The following ERI3 variants were observed in gnomAD, a reference collection of about 807,000 sequenced individuals.
ERI3 encodes ERI1 exoribonuclease 3.
Under a neutral mutation model 44.4 loss-of-function variants are expected in ERI3, and 18 were observed. That is an observed-to-expected ratio of 0.41 (90% CI 0.28 to 0.60). The LOEUF (loss-of-function observed/expected upper bound fraction) is 0.60, where lower values mean the gene tolerates loss of function less well. Among genes scored for constraint, ERI3 ranks in the 20% least tolerant of loss-of-function variants. The pLI, the probability that ERI3 is intolerant of heterozygous loss-of-function variation, is 0.36. For synonymous variants in ERI3, 183 were observed against 164.8 expected, an observed-to-expected ratio of 1.11 and a Z score of -0.84; for missense variants, 294 against 435.5, an observed-to-expected ratio of 0.68 and a Z score of 2.89.
At chr1:44,268,279 G>A (rs539070526) in intron 7 of ERI3, among the ~76,000 whole-genome samples, 1 of 152,088 alleles carries the variant, frequency 6.6e-6, no homozygotes, top group Non-Finnish European at 1.5e-5. Context: ...AGGGTGACTG[G>A]TGGCTGGAGG....
intron 7 of ERI3, among the ~76,000 whole-genome samples, chr1:44,275,813 ATCC>A (rs761129347): frequency 1.1e-4 from 17 of 152,170 alleles, no homozygotes; most frequent in Non-Finnish European, 2.2e-4. Context: ...CTGACTCAGA[ATCC>A]TCCTAAGGCT....
At chr1:44,302,434 T>C (rs1645746139) in intron 6 of ERI3, among the ~76,000 whole-genome samples, 1 of 152,188 alleles carries the variant, frequency 6.6e-6, no homozygotes, top group African/African-American at 2.4e-5. Context: ...TCAGTGCTGG[T>C]ACCAACTGGT....
rs1644285138 is a variant in ERI3, at chr1:44,235,556, C to CT, written c.931+12382dup. On this transcript the variant is annotated intron_variant, in intron 8 of 8. Coordinates refer to ENST00000372257, the MANE Select transcript of ERI3 (RefSeq NM_024066.3). The surrounding 1 kb of genome is among the most constrained non-coding windows in gnomAD (Gnocchi z 4.6). ...CATACTGAAAAGAAGGAAGGAAGGA[C>CT]TAGAGGAAAAGAAAGAGGGGCAAGA... Among the ~76,000 whole-genome samples, 1 of 152,126 alleles carries CT rather than the reference C, an allele frequency of 6.6e-6. No homozygotes were observed. Among genetic ancestry groups the CT allele is most frequent in the Non-Finnish European group, 1.5e-5 (1 of 68,048 alleles).
chr1:44,274,287 G>C (rs998934282), intron 7 of ERI3, among the ~76,000 whole-genome samples: 1 of 152,172 alleles, frequency 6.6e-6, no homozygotes, highest in Non-Finnish European at 1.5e-5. Context: ...TTGGCTTCAG[G>C]AGCGGCGCGC....
At chr1:44,323,020 T>G in intron 3 of ERI3, 1 of 1,107,620 alleles carries the variant, frequency 9.0e-7, no homozygotes, top group Admixed American at 3.8e-5. Flanking sequence ...TTCCTGACCC[T>G]GACCTTTTCT....
At chr1:44,231,669 C>G (rs531188047) in intron 8 of ERI3, among the ~76,000 whole-genome samples, 146 of 152,180 alleles carry the variant, frequency 9.6e-4, no homozygotes, top group African/African-American at 3.3e-3. Context: ...GATGATGTAC[C>G]CAACAGCCAC....
At position 44,339,316 on chromosome 1, in the gene ERI3, T is replaced by C. The variant is rs778306965; in HGVS notation, c.218A>G (p.Asp73Gly). ...LGIFEVRRVL[D>G]ASGCSMLAPL... ...TGCTAGCATTGAACATCCAGAAGCA[T>C]CTAAAACTTAGGGGAGGAAAGTTTA... is the stretch of plus-strand genomic sequence containing the variant. The change falls in exon 3 of 9, where the codon GAT (aspartate) becomes GGT (glycine). Residue 73 changes from aspartate to glycine, a missense_variant. Coordinates refer to ENST00000372257, the MANE Select transcript of ERI3 (RefSeq NM_024066.3). 7.1e-6 allele frequency: 9 copies of C among 1,271,378 alleles called. No individual in the cohort carries two copies. The South Asian group carries it at 1.6e-4, about 23-fold the overall frequency. The allele number at this position is 1,271,378 out of a possible 1,614,324, so 78.8% of individuals were successfully genotyped here.
At chr1:44,330,975 T>C (rs758735498) in intron 3 of ERI3, among the ~76,000 whole-genome samples, 6 of 151,926 alleles carry the variant, frequency 3.9e-5, no homozygotes, top group Non-Finnish European at 8.8e-5. Context: ...AGGATGGAGG[T>C]AGGGAGAAGT....
intron 6 of ERI3, among the ~76,000 whole-genome samples, chr1:44,304,457 A>G (rs149970915): frequency 6.6e-6 from 1 of 152,174 alleles, no homozygotes; most frequent in Non-Finnish European, 1.5e-5. Flanking sequence ...AAACATAACA[A>G]AAGTACAGAT....
chr1:44,354,916 G>C lies in ERI3; in HGVS notation c.111C>G (p.Gly37=), dbSNP rs752021052. The C allele has an allele frequency of 7.6e-7, 1 of 1,320,816 alleles. No individual in the cohort carries two copies. The highest frequency in any genetic ancestry group is 3.1e-5 in the Admixed American group (1 of 32,768). 81.8% of individuals were successfully genotyped at this position (1,320,816 alleles called of 1,614,324 possible). A position where few individuals can be genotyped will look rare whatever the true frequency, so the allele number is the denominator to read the frequency against. ...PPLTLPWTWM[G]PSWGQHPGHW... is the part of the protein sequence containing the mutation. ...CCCCGGGGTGTTGCCCCCAACTCGG[G>C]CCCATCCAAGTCCAGGGGAGAGTAA... Residue 37 remains glycine (G), a synonymous_variant, in exon 1 of 9, where the codon GGC becomes GGG. Coordinates refer to ENST00000372257, the MANE Select transcript of ERI3 (RefSeq NM_024066.3).
chr1:44,278,273 T>C (rs1341102582), intron 7 of ERI3, among the ~76,000 whole-genome samples: 5 of 152,084 alleles, frequency 3.3e-5, no homozygotes, highest in Admixed American at 3.3e-4. Context: ...GGCAAGGAGT[T>C]GGAAACCAGC....
At chr1:44,249,595 A>G (rs970831128) in intron 7 of ERI3, among the ~76,000 whole-genome samples, 1 of 152,214 alleles carries the variant, frequency 6.6e-6, no homozygotes, top group Non-Finnish European at 1.5e-5. Context: ...TACCAGCCAC[A>G]GCCCAACTTC....
Position 44,221,429 on chromosome 1 carries a change from A to G in ERI3, c.*129T>C, listed in dbSNP as rs984650832. The G allele has an allele frequency of 7.8e-6, 6 of 773,236 alleles. No homozygotes were observed. In the African/African-American group the frequency reaches 1.0e-4, roughly 13 times the overall value. 47.9% of individuals were successfully genotyped at this position (773,236 alleles called of 1,614,324 possible). Reference sequence around the variant, plus strand: ...AAGCCCACGCCAAGGGCATGAGCCCACAGGGCAGCTGGGGACACTCTGGAC... The same window carrying G: ...AAGCCCACGCCAAGGGCATGAGCCCGCAGGGCAGCTGGGGACACTCTGGAC... On this transcript the variant is annotated 3_prime_UTR_variant, in exon 9 of 9. Coordinates refer to ENST00000372257, the MANE Select transcript of ERI3 (RefSeq NM_024066.3). This position sits in a 1 kb window ranked among gnomAD's most constrained non-coding sequence, Gnocchi z 5.9.
intron 7 of ERI3, 43 bp downstream of exon 7, chr1:44,284,792 A>C: frequency 6.7e-7 from 1 of 1,501,390 alleles, no homozygotes; most frequent in Non-Finnish European, 9.3e-7. Context: ...CTGAGGCACA[A>C]GAGCACCAGG....
intron 6 of ERI3, among the ~76,000 whole-genome samples, chr1:44,290,952 G>A (rs1331135943): frequency 6.6e-6 from 1 of 152,152 alleles, no homozygotes; most frequent in Non-Finnish European, 1.5e-5. Context: ...AGCAAATTGA[G>A]CAACAATGAG....
intron 6 of ERI3, among the ~76,000 whole-genome samples, chr1:44,302,864 T>C (rs1024215486): frequency 5.3e-5 from 8 of 151,964 alleles, no homozygotes; most frequent in Non-Finnish European, 1.2e-4. Context: ...CAGGTTCAAA[T>C]CCCTGCCCTG....
intron 7 of ERI3, among the ~76,000 whole-genome samples, chr1:44,261,718 A>G (rs1460507180): frequency 6.6e-6 from 1 of 152,234 alleles, no homozygotes; most frequent in African/African-American, 2.4e-5. Flanking sequence ...TTTTGTTCAA[A>G]TTCTTTTCTT....
intron 7 of ERI3, among the ~76,000 whole-genome samples, chr1:44,281,947 C>T (rs1380832698): frequency 6.8e-6 from 1 of 148,102 alleles, no homozygotes; most frequent in African/African-American, 2.5e-5. Context: ...TCAGGCCCCT[C>T]AGTGACAGCT....
chr1:44,343,251 G>T (rs1646720256), intron 2 of ERI3, among the ~76,000 whole-genome samples: 2 of 152,022 alleles, frequency 1.3e-5, no homozygotes, highest in Non-Finnish European at 2.9e-5. Flanking sequence ...AGTCCATAAA[G>T]ATATAAATCA....
Sources: gnomAD v4.1 joint callset for allele counts (sites outside exome capture counted in the v4.1 genomes callset) on GRCh38, gnomAD v4.1.1 for gene constraint, Gnocchi (gnomAD v3.1) non-coding constraint, MANE v1.5 for transcripts, NCBI Gene and HGNC (gene_info 2026-07-23, HGNC 2026-07-21) for gene names.